SCFD2: variants seen among roughly 807,000 people sequenced by gnomAD.
The protein encoded by SCFD2 is sec1 family domain containing 2, also known as sec1 family domain-containing protein 2.
A neutral mutation model predicts 58.9 loss-of-function variants in SCFD2; 54 were observed. That is an observed-to-expected ratio of 0.92 (90% CI 0.74 to 1.15). SCFD2 has a LOEUF of 1.15. Among genes scored for constraint, SCFD2 ranks in the 50% most tolerant of loss-of-function variants. The pLI, the probability that SCFD2 is intolerant of heterozygous loss-of-function variation, is 0.00. For missense variants in SCFD2, 805 were observed against 836.6 expected (o/e 0.96, Z 0.47); for synonymous variants, 321 against 335.9 (o/e 0.96, Z 0.49).
At chr4:52,972,523 C>T (rs892752905) in intron 5 of SCFD2, among the ~76,000 whole-genome samples, 1 of 152,110 alleles carries the variant, frequency 6.6e-6, no homozygotes, top group African/African-American at 2.4e-5. Context: ...AAAGCGAGTC[C>T]TTAGAGACCT....
intron 4 of SCFD2, among the ~76,000 whole-genome samples, chr4:53,183,213 A>G (rs1302677232): frequency 2.0e-5 from 3 of 152,078 alleles, no homozygotes; most frequent in Non-Finnish European, 2.9e-5. Context: ...GTATGTTTAT[A>G]TCGGCACTAT....
rs3833974 is a variant in SCFD2 at position 52,920,959 on chromosome 4, GT to G, written c.1562-90del. 3,883 of 512,206 alleles carry G rather than the reference GT, an allele frequency of 7.6e-3. 1 individual carries two copies. The highest frequency in any genetic ancestry group is 0.01 in the South Asian group (188 of 18,140). 31.7% of individuals were successfully genotyped at this position (512,206 alleles called of 1,614,324 possible). On this transcript the variant is annotated intron_variant, in intron 5 of 8. Transcript: ENST00000401642. The stretch of plus-strand genomic sequence containing the variant: ...GAGCTCGATGTAATGTAGTTGGGAG[GT>G]TTTTTTTTTTCTTTATTATTATTAT...
chr4:53,342,668 C>T (rs1282852069), intron 2 of SCFD2, among the ~76,000 whole-genome samples: 1 of 152,218 alleles, frequency 6.6e-6, no homozygotes, highest in Non-Finnish European at 1.5e-5. Context: ...CTTTCCAGCA[C>T]CATATTGCAC....
chr4:52,886,545 G>C (rs1450704852), intron 7 of SCFD2, among the ~76,000 whole-genome samples: 2 of 152,250 alleles, frequency 1.3e-5, no homozygotes, highest in Non-Finnish European at 2.9e-5. Flanking sequence ...AGCCAGGTAT[G>C]GCCCAGTGGG....
intron 8 of SCFD2, among the ~76,000 whole-genome samples, chr4:52,877,225 C>T (rs1718494920): frequency 6.6e-6 from 1 of 152,202 alleles, no homozygotes; most frequent in Non-Finnish European, 1.5e-5. Context: ...CCAGCCCTCA[C>T]ATCTGAACAA....
At chr4:52,914,950 T>TA (rs984081875) in intron 6 of SCFD2, among the ~76,000 whole-genome samples, 1 of 152,068 alleles carries the variant, frequency 6.6e-6, no homozygotes, top group African/African-American at 2.4e-5. Flanking sequence ...AATGAATCCT[T>TA]AAAAAAATAC....
At chr4:53,195,460 C>G (rs1182589854) in intron 4 of SCFD2, among the ~76,000 whole-genome samples, 1 of 152,068 alleles carries the variant, frequency 6.6e-6, no homozygotes, top group Admixed American at 6.6e-5. Context: ...GCAAATAGCC[C>G]CCAGGTGACC....
chr4:53,104,233 T>C (rs1724921283), intron 5 of SCFD2, among the ~76,000 whole-genome samples: 1 of 152,116 alleles, frequency 6.6e-6, no homozygotes, highest in Admixed American at 6.5e-5. Flanking sequence ...GTGATAAAGG[T>C]CAACATCATG....
At chr4:53,315,308 G>A (rs140840910) in intron 2 of SCFD2, among the ~76,000 whole-genome samples, 1 of 147,040 alleles carries the variant, frequency 6.8e-6, no homozygotes, top group East Asian at 2.0e-4. Context: ...ACAAGAGAAA[G>A]AAGGACATTT....
intron 5 of SCFD2, among the ~76,000 whole-genome samples, chr4:52,986,041 C>T (rs555368075): frequency 1.3e-5 from 2 of 152,110 alleles, no homozygotes; most frequent in African/African-American, 2.4e-5. Context: ...CACCTGTCCC[C>T]CTGTGACGTC....
At chr4:53,275,737 GT>G (rs1731307222) in intron 3 of SCFD2, among the ~76,000 whole-genome samples, 1 of 152,098 alleles carries the variant, frequency 6.6e-6, no homozygotes, top group Non-Finnish European at 1.5e-5. Flanking sequence ...CCATCTCACA[GT>G]TTTGTCTTTC....
intron 8 of SCFD2, among the ~76,000 whole-genome samples, chr4:52,881,950 G>C (rs1040543053): frequency 6.6e-6 from 1 of 152,148 alleles, no homozygotes; most frequent in African/African-American, 2.4e-5. Flanking sequence ...GCAAGGAGAA[G>C]AGTGGTAGGA....
intron 5 of SCFD2, among the ~76,000 whole-genome samples, chr4:53,142,855 T>C (rs1726210984): frequency 6.6e-6 from 1 of 152,184 alleles, no homozygotes; most frequent in Admixed American, 6.5e-5. Context: ...AAAATGTGTG[T>C]GTGTGTTCCA....
chr4:53,343,446 T>C (rs1052388990), intron 2 of SCFD2, among the ~76,000 whole-genome samples: 7 of 152,086 alleles, frequency 4.6e-5, no homozygotes, highest in African/African-American at 1.4e-4. Context: ...GGTTCTGAAA[T>C]TGAGGCAATA....
intron 5 of SCFD2, among the ~76,000 whole-genome samples, chr4:52,978,867 GA>G (rs138230393): frequency 0.087 from 13,155 of 152,044 alleles, 786 homozygotes; most frequent in Non-Finnish European, 0.13. Flanking sequence ...GTAAAGCAGG[GA>G]AAAAAATTAA....
chr4:53,174,560 G>T (rs1727272351), intron 4 of SCFD2, among the ~76,000 whole-genome samples: 1 of 152,104 alleles, frequency 6.6e-6, no homozygotes, highest in African/African-American at 2.4e-5. Flanking sequence ...TCATCTTTGT[G>T]CATTTAGCTC....
chr4:53,201,863 G>A (rs1002415620), intron 4 of SCFD2, among the ~76,000 whole-genome samples: 1 of 152,130 alleles, frequency 6.6e-6, no homozygotes, highest in African/African-American at 2.4e-5. Context: ...CCCACTTTTT[G>A]ATGGGGTTGT....
chr4:53,232,506 T>C (rs1729470564), intron 4 of SCFD2, among the ~76,000 whole-genome samples: 1 of 152,194 alleles, frequency 6.6e-6, no homozygotes, highest in African/African-American at 2.4e-5. Flanking sequence ...GTTAAAAACA[T>C]ACAGTACAAC....
chr4:52,883,756 T>C (rs1307921861), intron 8 of SCFD2, among the ~76,000 whole-genome samples: 1 of 152,222 alleles, frequency 6.6e-6, no homozygotes, highest in Non-Finnish European at 1.5e-5. Context: ...AAGGCAATCA[T>C]TCATTAAACA....
Sources: allele counts gnomAD v4.1 joint callset (sites outside exome capture counted in the v4.1 genomes callset), GRCh38; gene constraint gnomAD v4.1.1; transcripts MANE v1.5; gene names NCBI Gene and HGNC (gene_info 2026-07-23, HGNC 2026-07-21).